Variants in CNTNAP5 observed in about 807,000 individuals in gnomAD.
CNTNAP5 encodes contactin-associated protein-like 5.
CNTNAP5 carries 72 observed loss-of-function variants against 150.2 expected under a neutral mutation model. The ratio of observed to expected loss-of-function variants is 0.48; its 90% CI spans 0.40 to 0.58. The LOEUF is 0.58. Among genes scored for constraint, CNTNAP5 ranks in the 20% least tolerant of loss-of-function variants. The pLI, the probability that CNTNAP5 is intolerant of heterozygous loss-of-function variation, is 0.00. For synonymous variants in CNTNAP5, 672 were observed against 619.8 expected, an observed-to-expected ratio of 1.08 and a Z score of -1.25; for missense variants, 1,636 against 1,626.2, an observed-to-expected ratio of 1.01 and a Z score of -0.10.
chr2:124,587,871 A>G (rs1696573324), intron 11 of CNTNAP5, among the ~76,000 whole-genome samples: 1 of 152,198 alleles, frequency 6.6e-6, no homozygotes, highest in Non-Finnish European at 1.5e-5. Context: ...AAAAAAAAGT[A>G]AGATTACTAG....
intron 3 of CNTNAP5, among the ~76,000 whole-genome samples, chr2:124,242,727 T>C (rs1277180294): frequency 1.3e-5 from 2 of 152,160 alleles, no homozygotes; most frequent in Non-Finnish European, 2.9e-5. Context: ...ATTATACTAA[T>C]TTACTGAGTG....
intron 1 of CNTNAP5, among the ~76,000 whole-genome samples, chr2:124,108,489 C>G (rs560714769): frequency 6.6e-6 from 1 of 152,284 alleles, no homozygotes; most frequent in Admixed American, 6.5e-5. Flanking sequence ...TTTGCCCTCT[C>G]AGGCCATCTC....
intron 19 of CNTNAP5, among the ~76,000 whole-genome samples, chr2:124,857,534 A>G (rs1259624281): frequency 6.6e-6 from 1 of 151,950 alleles, no homozygotes; most frequent in African/African-American, 2.4e-5. Context: ...ATACGTATAC[A>G]CCCAACTCAG....
intron 1 of CNTNAP5, among the ~76,000 whole-genome samples, chr2:124,183,654 T>C (rs543116130): frequency 6.6e-6 from 1 of 152,336 alleles, no homozygotes; most frequent in South Asian, 2.1e-4. Context: ...ATTGCAACCC[T>C]CAGGTGTTCT....
At position 124,892,637 on chromosome 2, in the gene CNTNAP5, A is replaced by G. The variant is rs138669239; in HGVS notation, c.3437-10245A>G. Among the ~76,000 whole-genome samples the G allele has an allele frequency of 1.9e-3, 292 of 152,270 alleles. 2 individuals are homozygous for G. The highest frequency in any genetic ancestry group is 6.7e-3 in the African/African-American group (279 of 41,588). The stretch of plus-strand genomic sequence containing the variant: ...AGGCTTCTGGACTGGGCCAAGCCCT[A>G]CAGGTGAGTGCTATACTGTAATTGT... On this transcript the variant is annotated intron_variant, in intron 21 of 23. Transcript: ENST00000682447.
chr2:124,113,504 A>ATGTGTGTGTGTGTGTG (rs199692680), intron 1 of CNTNAP5, among the ~76,000 whole-genome samples: 1 of 115,352 alleles, frequency 8.7e-6, no homozygotes, highest in East Asian at 2.8e-4. Flanking sequence ...TGATACATAT[A>ATGTGTGTGTGTGTGTG]TATGTGTGTG....
chr2:124,705,785 T>A (rs1276926980), intron 13 of CNTNAP5, among the ~76,000 whole-genome samples: 2 of 149,502 alleles, frequency 1.3e-5, no homozygotes, highest in African/African-American at 5.0e-5. Context: ...AAAAAAAAAA[T>A]CTGAATAAAG....
At chr2:124,026,293 C>A (rs1680886813) in intron 1 of CNTNAP5, among the ~76,000 whole-genome samples, 1 of 152,112 alleles carries the variant, frequency 6.6e-6, no homozygotes, top group African/African-American at 2.4e-5. Flanking sequence ...AGTCATGGAC[C>A]AATGTTGTTA....
chr2:124,795,751 G>C (rs558229111), intron 18 of CNTNAP5, among the ~76,000 whole-genome samples: 5 of 152,038 alleles, frequency 3.3e-5, no homozygotes, highest in Admixed American at 2.0e-4. Context: ...TCCTGACCTC[G>C]GGTGATCCAC....
At chr2:124,786,523 G>GAAAGAAAGAAAGAAAGAA (rs1553442195) in intron 17 of CNTNAP5, among the ~76,000 whole-genome samples, 1 of 137,702 alleles carries the variant, frequency 7.3e-6, no homozygotes, top group African/African-American at 3.0e-5. Context: ...AAGAAAGAAA[G>GAAAGAAAGAAAGAAAGAA]AGAAAGAAAG....
At chr2:124,458,212 AT>A (rs1693165907) in intron 6 of CNTNAP5, among the ~76,000 whole-genome samples, 1 of 145,828 alleles carries the variant, frequency 6.9e-6, no homozygotes, top group Non-Finnish European at 1.5e-5. Context: ...ATATATATAT[AT>A]AATATATATA....
intron 1 of CNTNAP5, among the ~76,000 whole-genome samples, chr2:124,055,486 C>T (rs550761439): frequency 1.8e-4 from 27 of 152,284 alleles, no homozygotes; most frequent in African/African-American, 6.5e-4. Context: ...TCAACTTTCA[C>T]AGTTCACCCC....
Position 124,520,573 on chromosome 2 carries a change from C to G in CNTNAP5, c.1328-3730C>G, listed in dbSNP as rs569486052. On this transcript the variant is annotated intron_variant, in intron 8 of 23. Coordinates refer to ENST00000682447, the MANE Select transcript of CNTNAP5 (RefSeq NM_001367498.1). ...AGTCTGGGAGATGGCAAATAATACC[C>G]AACATGTCTTTAAAGTTCAGAAATT... is the stretch of plus-strand genomic sequence containing the variant. Among the ~76,000 whole-genome samples, 12 of 152,234 alleles carry G rather than the reference C, an allele frequency of 7.9e-5. No individual in the cohort carries two copies. The East Asian group carries it at 2.3e-3, about 29-fold the overall frequency.
chr2:124,561,521 G>A (rs188375094), intron 10 of CNTNAP5, among the ~76,000 whole-genome samples: 1 of 152,158 alleles, frequency 6.6e-6, no homozygotes, highest in East Asian at 1.9e-4. Flanking sequence ...AACAGAGAGA[G>A]GACCACTTTT....
intron 6 of CNTNAP5, among the ~76,000 whole-genome samples, chr2:124,467,985 C>G (rs1250516613): frequency 6.6e-6 from 1 of 151,976 alleles, no homozygotes; most frequent in African/African-American, 2.4e-5. Flanking sequence ...TACTTTTTTC[C>G]TCTTCCCTTG....
intron 1 of CNTNAP5, among the ~76,000 whole-genome samples, chr2:124,184,103 G>A (rs1372972567): frequency 2.0e-5 from 3 of 152,096 alleles, no homozygotes; most frequent in Non-Finnish European, 2.9e-5. Context: ...GAGGGAGGTC[G>A]AGGAGTTTTT....
chr2:124,674,862 C>A (rs984499313), intron 13 of CNTNAP5, among the ~76,000 whole-genome samples: 27 of 151,652 alleles, frequency 1.8e-4, no homozygotes, highest in Non-Finnish European at 3.4e-4. Flanking sequence ...TGATTTTAAT[C>A]GTTATAAATT....
intron 1 of CNTNAP5, among the ~76,000 whole-genome samples, chr2:124,085,476 A>G (rs759990191): frequency 1.1e-4 from 16 of 151,978 alleles, no homozygotes; most frequent in Non-Finnish European, 2.4e-4. Flanking sequence ...TTTTTTTTCA[A>G]AGAAGTAGCT....
At chr2:124,303,215 A>C (rs766006522) in intron 3 of CNTNAP5, among the ~76,000 whole-genome samples, 1 of 152,012 alleles carries the variant, frequency 6.6e-6, no homozygotes, top group Non-Finnish European at 1.5e-5. Context: ...TATGGGGAGG[A>C]GGGAGGCAGA....
Sources: allele counts gnomAD v4.1 joint callset (sites outside exome capture counted in the v4.1 genomes callset), GRCh38; gene constraint gnomAD v4.1.1; transcripts MANE v1.5; gene names NCBI Gene and HGNC (gene_info 2026-07-23, HGNC 2026-07-21).